ARHGAP32: variants seen among roughly 807,000 people sequenced by gnomAD.
The protein encoded by ARHGAP32 is Rho GTPase activating protein 32.
Under a neutral mutation model 186.5 loss-of-function variants are expected in ARHGAP32, and 51 were observed. The ratio of observed to expected loss-of-function variants is 0.27; its 90% confidence interval spans 0.22 to 0.35. ARHGAP32 has a LOEUF of 0.35. Among genes scored for constraint, ARHGAP32 ranks in the 10% least tolerant of loss-of-function variants. The pLI is 1.00. For missense variants in ARHGAP32, 2,186 were observed against 2,623.5 expected (o/e 0.83, Z 3.64); for synonymous variants, 950 against 964.3 (o/e 0.99, Z 0.27).
chr11:129,076,284 G>A (rs1010152107), intron 6 of ARHGAP32, among the ~76,000 whole-genome samples: 6 of 152,062 alleles, frequency 3.9e-5, no homozygotes, highest in South Asian at 2.1e-4. Flanking sequence ...GCCAACGAGC[G>A]GCCCATGCTG....
At chr11:129,264,971 T>A (rs1047394925) in intron 1 of ARHGAP32, among the ~76,000 whole-genome samples, 9 of 152,220 alleles carry the variant, frequency 5.9e-5, no homozygotes, top group African/African-American at 2.2e-4. Context: ...ACTGCCCATG[T>A]CTCACAACCT....
At chr11:129,193,808 C>T (rs1944353612), upstream of ARHGAP32, among the ~76,000 whole-genome samples, 1 of 128,572 alleles carries the variant, frequency 7.8e-6, no homozygotes, top group South Asian at 2.4e-4. Context: ...AAACCAAAAA[C>T]AACAGAACAA....
chr11:129,100,181 G>A (rs1431038182), intron 5 of ARHGAP32, among the ~76,000 whole-genome samples: 1 of 152,196 alleles, frequency 6.6e-6, no homozygotes, highest in South Asian at 2.1e-4. Flanking sequence ...GCACATTTAG[G>A]AGTGGTCATG....
At chr11:129,062,224 G>T in intron 10 of ARHGAP32, 56 bp downstream of exon 10, 1 of 1,449,028 alleles carries the variant, frequency 6.9e-7, no homozygotes, top group Non-Finnish European at 9.6e-7. Context: ...AAGTATTACT[G>T]AATCATAAAA....
intron 2 of ARHGAP32, among the ~76,000 whole-genome samples, chr11:129,138,244 G>A (rs1039896698): frequency 1.0e-4 from 15 of 143,044 alleles, no homozygotes; most frequent in Non-Finnish European, 2.0e-4. Context: ...CAAGATCTGA[G>A]ATCTATAGTT....
intron 15 of ARHGAP32, among the ~76,000 whole-genome samples, chr11:128,985,504 CT>C (rs1311414842): frequency 6.8e-6 from 1 of 147,878 alleles, no homozygotes; most frequent in East Asian, 2.0e-4. Flanking sequence ...CTTTTTCTAA[CT>C]GGCAAAGTAA....
rs191732171 is a variant in ARHGAP32, at chr11:129,185,820, C to G, written c.116+6263G>C. Among the ~76,000 whole-genome samples the G allele has an allele frequency of 1.4e-3, 211 of 151,760 alleles. 1 individual carries two copies. The highest frequency in any genetic ancestry group is 4.4e-3 in the African/African-American group (184 of 41,438). The stretch of plus-strand genomic sequence containing the variant: ...ATGATTTAAAACACAAACATACATA[C>G]ACAGAAAGAGAGAGAGAAAACCTGG... On this transcript the variant is annotated intron_variant, in intron 1 of 22. Coordinates refer to ENST00000682385, the MANE Select transcript of ARHGAP32 (RefSeq NM_001378024.1).
chr11:129,162,234 T>A (rs900533115), intron 2 of ARHGAP32, among the ~76,000 whole-genome samples: 1 of 152,164 alleles, frequency 6.6e-6, no homozygotes, highest in Non-Finnish European at 1.5e-5. Context: ...CCATGGCACA[T>A]GTATACCTAT....
intron 11 of ARHGAP32, among the ~76,000 whole-genome samples, chr11:128,999,236 T>C (rs1221931261): frequency 6.6e-6 from 1 of 152,184 alleles, no homozygotes; most frequent in Non-Finnish European, 1.5e-5. Context: ...GGAGTGTCTG[T>C]CTTATGCAGT....
intron 2 of ARHGAP32, among the ~76,000 whole-genome samples, chr11:129,159,686 C>A (rs2511815): frequency 0.64 from 96,929 of 151,810 alleles, 31,382 homozygotes; most frequent in Non-Finnish European, 0.7. Context: ...ACTCCAAACA[C>A]CTGAAAAAGA....
At chr11:129,251,139 C>G (rs1945177493) in intron 1 of ARHGAP32, among the ~76,000 whole-genome samples, 2 of 152,130 alleles carry the variant, frequency 1.3e-5, no homozygotes, top group African/African-American at 2.4e-5. Context: ...TGATGAGGCA[C>G]CACTAAGTAA....
rs1430699568 is a variant in ARHGAP32 at position 128,967,354 on chromosome 11, T to A, written c.*1553A>T. ...GCCAGAGCAGCAACCATCCAGTAAT[T>A]GGAATGCAATTCTCCTAGTGTCTTC... On this transcript the variant is annotated 3_prime_UTR_variant, in exon 23 of 23. Transcript: ENST00000682385. 1.3e-5 allele frequency: 2 copies of A among 152,232 alleles called. No homozygotes were observed. Among genetic ancestry groups the A allele is most frequent in the Non-Finnish European group, 2.9e-5 (2 of 68,044 alleles). 9.4% of individuals were successfully genotyped at this position (152,232 alleles called of 1,614,324 possible).
chr11:128,974,079 G>T, intron 21 of ARHGAP32, 45 bp downstream of exon 21: 1 of 1,593,994 alleles, frequency 6.3e-7, no homozygotes. Flanking sequence ...CAGGATTGAA[G>T]ATCCCTCTTA....
intron 11 of ARHGAP32, among the ~76,000 whole-genome samples, chr11:129,029,478 G>A (rs77005710): frequency 2.0e-5 from 3 of 152,128 alleles, no homozygotes; most frequent in East Asian, 3.9e-4. Flanking sequence ...CCTCAGGCAG[G>A]TGTCTTAAGC....
chr11:129,200,270 A>C (rs1372349114), intron 1 of ARHGAP32, among the ~76,000 whole-genome samples: 1 of 152,146 alleles, frequency 6.6e-6, no homozygotes, highest in Non-Finnish European at 1.5e-5. Flanking sequence ...GTAAGGATAC[A>C]AGATGTGGGA....
intron 6 of ARHGAP32, among the ~76,000 whole-genome samples, chr11:129,076,589 G>C (rs1941051402): frequency 6.6e-6 from 1 of 152,098 alleles, no homozygotes; most frequent in Non-Finnish European, 1.5e-5. Flanking sequence ...ATGGGTAAAA[G>C]AAGAAATCTC....
At chr11:129,129,390 G>A (rs1481700531) in intron 2 of ARHGAP32, among the ~76,000 whole-genome samples, 4 of 151,374 alleles carry the variant, frequency 2.6e-5, no homozygotes, top group African/African-American at 9.7e-5. Context: ...CCTCCGCCCG[G>A]CAGCCGCCCA....
At chr11:129,062,868 A>G (rs1457398763) in intron 9 of ARHGAP32, among the ~76,000 whole-genome samples, 1 of 134,216 alleles carries the variant, frequency 7.5e-6, no homozygotes, top group Non-Finnish European at 1.7e-5. Flanking sequence ...GGTTATTCTT[A>G]GTAAGTATAA....
chr11:129,187,281 CAT>C lies in ARHGAP32; in HGVS notation c.116+4800_116+4801del, dbSNP rs201967407. On this transcript the variant is annotated intron_variant, in intron 1 of 22. Coordinates refer to ENST00000682385, the MANE Select transcript of ARHGAP32 (RefSeq NM_001378024.1). Reference sequence around the variant, plus strand: ...GCCAGGCACGGAAAGACAAACATCACATGTTCTCACTTATTTGTGTGATCTAA... The same window carrying C: ...GCCAGGCACGGAAAGACAAACATCACGTTCTCACTTATTTGTGTGATCTAA... Among the ~76,000 whole-genome samples, 113 of 152,068 alleles carry C rather than the reference CAT, an allele frequency of 7.4e-4. 2 individuals are homozygous for C. In the East Asian group the frequency reaches 0.019, roughly 25 times the overall value.
Sources: allele counts gnomAD v4.1 joint callset (sites outside exome capture counted in the v4.1 genomes callset), GRCh38; gene constraint gnomAD v4.1.1; transcripts MANE v1.5; gene names NCBI Gene and HGNC (gene_info 2026-07-23, HGNC 2026-07-21).